Variants in PHACTR2 observed in about 807,000 individuals in gnomAD.
PHACTR2 encodes chromosome 6 open reading frame 56.
In PHACTR2, 30 loss-of-function variants were observed where a neutral mutation model predicts 76.0. The ratio of observed to expected loss-of-function variants is 0.39; its 90% CI spans 0.30 to 0.54. The LOEUF is 0.54. Ranked by LOEUF, PHACTR2 falls within the 20% of genes least tolerant of loss-of-function variation. The pLI, the probability that PHACTR2 is intolerant of heterozygous loss-of-function variation, is 0.61. For missense variants in PHACTR2, 696 were observed against 781.1 expected (o/e 0.89, Z 1.30); for synonymous variants, 292 against 292.5 (o/e 1.00, Z 0.02).
rs1485125082 is a variant in PHACTR2 at position 143,581,657 on chromosome 6, C to T, written c.217+44450C>T. 6.6e-6 allele frequency among the ~76,000 whole-genome samples: 1 copy of T among 152,102 alleles called. No homozygotes were observed. The highest frequency in any genetic ancestry group is 2.4e-5 in the African/African-American group (1 of 41,408). On this transcript the variant is annotated intron_variant, in intron 1 of 11. Coordinates refer to the PHACTR2 transcript ENST00000367584. This position sits in a 1 kb window ranked among gnomAD's most constrained non-coding sequence, Gnocchi z 4.5. ...CCAGGCTGGGCAACATGATGAAACC[C>T]TGTCTCTACCAAAAAATACGAACAT...
Position 143,816,509 on chromosome 6 carries a change from G to C in PHACTR2, c.1923-7165G>C, listed in dbSNP as rs751612614. Among the ~76,000 whole-genome samples, 33 of 152,076 alleles carry C rather than the reference G, an allele frequency of 2.2e-4. No homozygotes were observed. The highest frequency in any genetic ancestry group is 4.4e-4 in the Non-Finnish European group (30 of 67,994). On this transcript the variant is annotated intron_variant, in intron 12 of 12. Coordinates refer to ENST00000440869, the MANE Select transcript of PHACTR2 (RefSeq NM_001100164.2). This position sits in a 1 kb window ranked among gnomAD's most constrained non-coding sequence, Gnocchi z 4.5. Reference sequence around the variant, plus strand: ...AATCTGGGCAATCTATCTAAAGAGGGGTCATAGTTCTGACCTCTGGCTTTG... The same window carrying C: ...AATCTGGGCAATCTATCTAAAGAGGCGTCATAGTTCTGACCTCTGGCTTTG...
In PHACTR2 at chr6:143,663,156, A is replaced by T. The variant is rs2128448818; in HGVS notation, c.14-48860A>T. ...ATTCCATGTCTCTGCTATTGTGAAT[A>T]GCACAGTGATGAACGTACGAGTGCA... On this transcript the variant is annotated intron_variant, in intron 1 of 11. Transcript: ENST00000305766. This position sits in a 1 kb window ranked among gnomAD's most constrained non-coding sequence, Gnocchi z 4.1. Among the ~76,000 whole-genome samples, 1 of 152,304 alleles carries T rather than the reference A, an allele frequency of 6.6e-6. No homozygotes were observed. Among genetic ancestry groups the T allele is most frequent in the East Asian group, 1.9e-4 (1 of 5,186 alleles).
intron 1 of PHACTR2, among the ~76,000 whole-genome samples, chr6:143,582,050 C>T (rs566353349): frequency 2.0e-5 from 3 of 152,170 alleles, no homozygotes; most frequent in Non-Finnish European, 2.9e-5. Context: ...AAAGACCTAT[C>T]ACTCTCATAA....
rs1275200127 is a variant in PHACTR2 at position 143,823,935 on chromosome 6, C to T, written c.*246C>T. On this transcript the variant is annotated 3_prime_UTR_variant, in exon 13 of 13. Transcript: ENST00000440869. This position sits in a 1 kb window ranked among gnomAD's most constrained non-coding sequence, Gnocchi z 5.7. Reference sequence around the variant, plus strand: ...AATGCACAGCGATGGTAAGAGACACCGTGGATATTCTTCATCAGAAGCTTT... The same window carrying T: ...AATGCACAGCGATGGTAAGAGACACTGTGGATATTCTTCATCAGAAGCTTT... 2.6e-5 allele frequency: 10 copies of T among 378,272 alleles called. No homozygotes were observed. Among genetic ancestry groups the T allele is most frequent in the Admixed American group, 1.7e-4 (4 of 23,836 alleles). The allele number at this position is 378,272 out of a possible 1,614,324, so 23.4% of individuals were successfully genotyped here.
Position 143,831,133 on chromosome 6 carries a change from AAGAT to A in PHACTR2, c.*7447_*7450del, listed in dbSNP as rs1284648884. 2 of 152,216 alleles carry A rather than the reference AAGAT, an allele frequency of 1.3e-5. No individual in the cohort carries two copies. Among genetic ancestry groups the A allele is most frequent in the Non-Finnish European group, 2.9e-5 (2 of 68,028 alleles). 9.4% of individuals were successfully genotyped at this position (152,216 alleles called of 1,614,324 possible). A position where few individuals can be genotyped will look rare whatever the true frequency, so the allele number is the denominator to read the frequency against. On this transcript the variant is annotated 3_prime_UTR_variant, in exon 13 of 13. Coordinates refer to ENST00000440869, the MANE Select transcript of PHACTR2 (RefSeq NM_001100164.2). The surrounding 1 kb of genome is among the most constrained non-coding windows in gnomAD (Gnocchi z 5.2). ...TTGCCATTATTATATGTAAACATAA[AAGAT>A]AGTCCATTTAGAGTTTATAATATAG...
rs61652528 is a variant in PHACTR2 at position 143,814,595 on chromosome 6, C to CTTTTT, written c.1922+7483_1922+7487dup. On this transcript the variant is annotated intron_variant, in intron 12 of 12. Transcript: ENST00000440869. ...ACGTATGGACACATAGACATACACA[C>CTTTTT]TTTTTTTTTTTTTTTTTTTTTTTTT... is the stretch of plus-strand genomic sequence containing the variant. 6.2e-3 allele frequency among the ~76,000 whole-genome samples: 673 copies of CTTTTT among 108,414 alleles called. 15 individuals are homozygous for CTTTTT. Among genetic ancestry groups the CTTTTT allele is most frequent in the African/African-American group, 0.024 (644 of 26,916 alleles). 71.1% of individuals were successfully genotyped at this position (108,414 alleles called of 152,430 possible). A position where few individuals can be genotyped will look rare whatever the true frequency, so the allele number is the denominator to read the frequency against.
chr6:143,657,020 A>G (rs12530310), intron 1 of PHACTR2, among the ~76,000 whole-genome samples: 67,138 of 148,738 alleles, frequency 0.45, 15,448 homozygotes, highest in South Asian at 0.59. Flanking sequence ...ACTCATAAGT[A>G]GGAGTTGAAC....
intron 1 of PHACTR2, among the ~76,000 whole-genome samples, chr6:143,686,770 C>G (rs1301809968): frequency 6.6e-6 from 1 of 152,106 alleles, no homozygotes; most frequent in Non-Finnish European, 1.5e-5. Context: ...CAGGTGTGAG[C>G]CACTGCGCCC....
chr6:143,756,712 AAAAG>A (rs1179737964), intron 4 of PHACTR2, among the ~76,000 whole-genome samples: 2 of 150,422 alleles, frequency 1.3e-5, no homozygotes, highest in Admixed American at 6.6e-5. Context: ...AAAAAAAAAA[AAAAG>A]AGCAGAAAAA....
rs1346148587 is a variant in PHACTR2 at position 143,554,407 on chromosome 6, G to T, written c.217+17200G>T. On this transcript the variant is annotated intron_variant, in intron 1 of 11. Transcript: ENST00000367584. The surrounding 1 kb of genome is among the most constrained non-coding windows in gnomAD (Gnocchi z 5.9). Reference sequence around the variant, plus strand: ...CACTGCTATCGATTTTGTAGTCGGGGAGTGGGATTGGGCTCAACTCTGAAT... The same window carrying T: ...CACTGCTATCGATTTTGTAGTCGGGTAGTGGGATTGGGCTCAACTCTGAAT... 6.6e-6 allele frequency: 1 copy of T among 152,182 alleles called. No individual in the cohort carries two copies. The highest frequency in any genetic ancestry group is 1.5e-5 in the Non-Finnish European group (1 of 68,048). The allele number at this position is 152,182 out of a possible 1,614,324, so 9.4% of individuals were successfully genotyped here. A position where few individuals can be genotyped will look rare whatever the true frequency, so the allele number is the denominator to read the frequency against.
Position 143,816,749 on chromosome 6 carries a change from A to G in PHACTR2, c.1923-6925A>G, listed in dbSNP as rs1485825086. On this transcript the variant is annotated intron_variant, in intron 12 of 12. Transcript: ENST00000440869. This position sits in a 1 kb window ranked among gnomAD's most constrained non-coding sequence, Gnocchi z 4.5. ...GAAAATTAAATACAGAATACTTTCC[A>G]GGATAATATTGGGCTTTCAAAGATT... Among the ~76,000 whole-genome samples the G allele has an allele frequency of 6.6e-6, 1 of 152,156 alleles. No homozygotes were observed. Among genetic ancestry groups the G allele is most frequent in the Non-Finnish European group, 1.5e-5 (1 of 68,020 alleles).
chr6:143,622,756 A>C (rs1408656363), intron 1 of PHACTR2, among the ~76,000 whole-genome samples: 1 of 152,346 alleles, frequency 6.6e-6, no homozygotes, highest in South Asian at 2.1e-4. Flanking sequence ...TTTGACATTA[A>C]ACCAAATTTA....
At position 143,791,069 on chromosome 6, in the gene PHACTR2, C is replaced by T. The variant is rs991409568; in HGVS notation, c.1845+2159C>T. ...TCTGGTTTTAAAAATTCTTTGCATA[C>T]CAAAATGATAGATATATTCTCATAT... On this transcript the variant is annotated intron_variant, in intron 11 of 12. Transcript: ENST00000440869. The surrounding 1 kb of genome is among the most constrained non-coding windows in gnomAD (Gnocchi z 4.7). Among the ~76,000 whole-genome samples, 3 of 152,108 alleles carry T rather than the reference C, an allele frequency of 2.0e-5. No homozygotes were observed. The highest frequency in any genetic ancestry group is 7.2e-5 in the African/African-American group (3 of 41,412).
rs1323013237 is a variant in PHACTR2 at position 143,546,515 on chromosome 6, AT to A, written c.217+9311del. ...GTCATTAGTCAGGTCATCAATGTTG[AT>A]TTATGATCTTTTTTGTTTTATGTAT... On this transcript the variant is annotated intron_variant, in intron 1 of 11. Coordinates refer to the PHACTR2 transcript ENST00000367584. This position sits in a 1 kb window ranked among gnomAD's most constrained non-coding sequence, Gnocchi z 4.9. Among the ~76,000 whole-genome samples the A allele has an allele frequency of 6.6e-6, 1 of 152,160 alleles. No individual in the cohort carries two copies. The highest frequency in any genetic ancestry group is 1.5e-5 in the Non-Finnish European group (1 of 68,026).
intron 2 of PHACTR2, among the ~76,000 whole-genome samples, chr6:143,717,514 G>C (rs1272346629): frequency 2.6e-5 from 4 of 151,628 alleles, no homozygotes; most frequent in Non-Finnish European, 4.4e-5. Flanking sequence ...GCCTTGAATT[G>C]CTTCTTTATT....
chr6:143,715,475 G>A (rs1436095776), intron 2 of PHACTR2, among the ~76,000 whole-genome samples: 2 of 152,170 alleles, frequency 1.3e-5, no homozygotes, highest in Non-Finnish European at 2.9e-5. Context: ...CTGATGGGTA[G>A]CACTATTTGA....
chr6:143,628,633 G>T lies in PHACTR2; in HGVS notation c.13+20311G>T, dbSNP rs186086978. 8.5e-5 allele frequency among the ~76,000 whole-genome samples: 13 copies of T among 152,092 alleles called. No individual in the cohort carries two copies. The East Asian group carries it at 2.3e-3, about 27-fold the overall frequency. ...ATTAGGCCCATCCAGATAATCCAGG[G>T]TAATAGCCTCATCTCAGAATCCTTA... On this transcript the variant is annotated intron_variant, in intron 1 of 11. Coordinates refer to the PHACTR2 transcript ENST00000305766.
rs1391171520 is a variant in PHACTR2 at position 143,558,958 on chromosome 6, T to A, written c.217+21751T>A. On this transcript the variant is annotated intron_variant, in intron 1 of 11. Coordinates refer to the PHACTR2 transcript ENST00000367584. This position sits in a 1 kb window ranked among gnomAD's most constrained non-coding sequence, Gnocchi z 4.7. Reference sequence around the variant, plus strand: ...ACTCCCTGGGAGAAGGGGAGATCTGTTACAAGTGCACTGAAAGGGTCTCTC... The same window carrying A: ...ACTCCCTGGGAGAAGGGGAGATCTGATACAAGTGCACTGAAAGGGTCTCTC... Among the ~76,000 whole-genome samples, 2 of 152,180 alleles carry A rather than the reference T, an allele frequency of 1.3e-5. No individual in the cohort carries two copies. The highest frequency in any genetic ancestry group is 4.8e-5 in the African/African-American group (2 of 41,436).
At position 143,646,808 on chromosome 6, in the gene PHACTR2, A is replaced by G. The variant is rs1181679419; in HGVS notation, c.13+38486A>G. Among the ~76,000 whole-genome samples the G allele has an allele frequency of 2.0e-5, 3 of 152,212 alleles. No homozygotes were observed. The highest frequency in any genetic ancestry group is 7.2e-5 in the African/African-American group (3 of 41,450). On this transcript the variant is annotated intron_variant, in intron 1 of 11. Transcript: ENST00000305766. The surrounding 1 kb of genome is among the most constrained non-coding windows in gnomAD (Gnocchi z 4.1). ...AAGAAAAGCCTTGTTCTCTCTTGACATGAAGTTATGCTCAGCCTGCTTATT... is the reference window on the plus strand; with the variant it reads ...AAGAAAAGCCTTGTTCTCTCTTGACGTGAAGTTATGCTCAGCCTGCTTATT...
Sources: allele counts gnomAD v4.1 joint callset (sites outside exome capture counted in the v4.1 genomes callset), GRCh38; gene constraint gnomAD v4.1.1; non-coding constraint Gnocchi (gnomAD v3.1); transcripts MANE v1.5; gene names NCBI Gene and HGNC (gene_info 2026-07-23, HGNC 2026-07-21).